The following COL4A2 variants were observed in gnomAD, a reference collection of about 807,000 sequenced individuals.
The protein encoded by COL4A2 is collagen alpha-2(IV) chain.
In COL4A2, 99 loss-of-function variants were observed where a neutral mutation model predicts 200.2. That is an observed-to-expected ratio of 0.49 (90% CI 0.42 to 0.58). The LOEUF (loss-of-function observed/expected upper bound fraction) is 0.58. Ranked by LOEUF, COL4A2 falls within the 20% of genes least tolerant of loss-of-function variation. The pLI is 0.00. For missense variants in COL4A2, 1,950 were observed against 2,314.1 expected (o/e 0.84, Z 3.23); for synonymous variants, 897 against 900.6 (o/e 1.00, Z 0.07).
chr13:110,349,577 A>C (rs1436688135), intron 3 of COL4A2, among the ~76,000 whole-genome samples: 1 of 152,186 alleles, frequency 6.6e-6, no homozygotes, highest in Non-Finnish European at 1.5e-5. Flanking sequence ...GACTCCAAGC[A>C]AGAAATTCTG....
At chr13:110,360,629 C>T (rs1000796921) in intron 4 of COL4A2, among the ~76,000 whole-genome samples, 5 of 152,192 alleles carry the variant, frequency 3.3e-5, no homozygotes, top group Non-Finnish European at 5.9e-5. Context: ...AATGAAAAAT[C>T]GACACCTTCT....
At chr13:110,403,092 G>C (rs1449803563) in intron 4 of COL4A2, among the ~76,000 whole-genome samples, 1 of 96,724 alleles carries the variant, frequency 1.0e-5, no homozygotes, top group Non-Finnish European at 2.6e-5. Flanking sequence ...TGCCTCCGGA[G>C]GTCCTTCCTC....
Position 110,449,770 on chromosome 13 carries a change from C to A in COL4A2, c.1170C>A (p.Gly390=). 6.5e-7 allele frequency: 1 copy of A among 1,548,690 alleles called. No homozygotes were observed. Among genetic ancestry groups the A allele is most frequent in the Non-Finnish European group, 8.7e-7 (1 of 1,146,670 alleles). Residue 390 remains glycine, a synonymous_variant, in exon 19 of 48, where the codon GGC becomes GGA. Transcript: ENST00000360467. ...PGDPGLPGPP[G]LSIGDGDQRR... ...ACCCGGGCCTCCCAGGTCCCCCTGG[C>A]CTCTCCATCGGAGATGGAGGTAATG...
chr13:110,446,848 C>T lies in COL4A2; in HGVS notation c.1062C>T (p.His354=). ...GPPGLPAYSP[H]PSLAKGARGD... ...CTGGACTACCTGCCTACTCCCCTCA[C>T]CCTTCCCTAGCAAAAGGTGTGTGAA... is the stretch of plus-strand genomic sequence containing the variant. The change falls in exon 18 of 48, where the codon CAC becomes CAT. Residue 354 remains histidine, a synonymous_variant. Transcript: ENST00000360467. 8 of 1,612,272 alleles carry T rather than the reference C, an allele frequency of 5.0e-6. No individual in the cohort carries two copies. The highest frequency in any genetic ancestry group is 6.8e-6 in the Non-Finnish European group (8 of 1,178,430).
intron 29 of COL4A2, among the ~76,000 whole-genome samples, chr13:110,477,542 C>G (rs1452912900): frequency 1.3e-5 from 2 of 152,246 alleles, no homozygotes; most frequent in East Asian, 3.9e-4. Context: ...AAGAAAACTC[C>G]CCAACTATTC....
chr13:110,399,541 G>A (rs79344506), intron 4 of COL4A2, among the ~76,000 whole-genome samples: 2,254 of 152,276 alleles, frequency 0.015, 34 homozygotes, highest in Middle Eastern at 0.058. Flanking sequence ...CTTTCCCACA[G>A]AGGACAAAAA....
intron 34 of COL4A2, among the ~76,000 whole-genome samples, chr13:110,487,982 C>A (rs527455012): frequency 6.6e-6 from 1 of 152,140 alleles, no homozygotes; most frequent in Non-Finnish European, 1.5e-5. Flanking sequence ...AAAGGTGCAG[C>A]CTGTGGATAC....
chr13:110,506,391 C>T, intron 45 of COL4A2, 24 bp from the exon 46 acceptor site: 2 of 1,592,042 alleles, frequency 1.3e-6, no homozygotes, highest in Non-Finnish European at 1.7e-6. Flanking sequence ...AGGCCGTCCA[C>T]TCTCTCTCTT....
In COL4A2 at chr13:110,493,258, A is replaced by G; in HGVS notation, c.3610A>G (p.Thr1204Ala). Residue 1204 changes from threonine to alanine, a missense_variant, in exon 39 of 48, where the codon ACC (threonine) becomes GCC (alanine). Physicochemically the swap from Thr to Ala is moderately conservative, Grantham distance 58. This residue lies in a region of COL4A2 where 1,385 missense variants were observed against 1,720.5 expected (regional missense o/e 0.80). Transcript: ENST00000360467. ...GIRGLHGLPG[T>A]KGFPGSPGSD... is the part of the protein sequence containing the mutation. ...CCGCGGCTTACACGGCTTGCCAGGC[A>G]CCAAGGGCTTTCCAGGATCCCCAGG... 1.2e-5 allele frequency: 19 copies of G among 1,614,136 alleles called. No homozygotes were observed. Among genetic ancestry groups the G allele is most frequent in the Non-Finnish European group, 1.6e-5 (19 of 1,180,022 alleles).
chr13:110,363,486 A>G (rs752834348), intron 4 of COL4A2, among the ~76,000 whole-genome samples: 2 of 152,194 alleles, frequency 1.3e-5, no homozygotes, highest in Non-Finnish European at 2.9e-5. Flanking sequence ...ATAGCTGCCA[A>G]GAGAAGAGGG....
Position 110,495,414 on chromosome 13 carries a change from C to A in COL4A2, c.3707C>A (p.Thr1236Asn). 2 of 1,614,064 alleles carry A rather than the reference C, an allele frequency of 1.2e-6. No homozygotes were observed. The highest frequency in any genetic ancestry group is 1.7e-6 in the Non-Finnish European group (2 of 1,179,994). ...AGAGGTGACCCAGGAGAGGCCAACA[C>A]CCTTCCAGGCCCTGTGGGAGTCCCA... ...GERGDPGEAN[T>N]LPGPVGVPGQ... The change falls in exon 40 of 48, where the codon ACC becomes AAC. Residue 1236 changes from threonine (T) to asparagine (N), a missense_variant. Around this residue, in one of 2 missense-constraint regions of COL4A2, gnomAD observed 1,385 missense variants for 1,720.5 expected, o/e 0.80. Transcript: ENST00000360467.
chr13:110,380,718 CACCCACGTGCTCTATCTCAT>C (rs2139410394), intron 4 of COL4A2, among the ~76,000 whole-genome samples: 1 of 151,706 alleles, frequency 6.6e-6, no homozygotes, highest in African/African-American at 2.4e-5. Context: ...CTCTATCTCA[CACCCACGTGCTCTATCTCAT>C]ACCCACGTGC....
chr13:110,356,107 A>G (rs1432228422), intron 3 of COL4A2, among the ~76,000 whole-genome samples: 1 of 152,162 alleles, frequency 6.6e-6, no homozygotes, highest in African/African-American at 2.4e-5. Context: ...CCAATCTCCA[A>G]GTCCATCTTT....
chr13:110,506,179 T>A (rs1233940902), intron 45 of COL4A2, among the ~76,000 whole-genome samples: 1 of 151,268 alleles, frequency 6.6e-6, no homozygotes, highest in African/African-American at 2.4e-5. Context: ...CCGTCCACTC[T>A]CTCTCTCTCT....
At position 110,450,290 on chromosome 13, in the gene COL4A2, G is replaced by T; in HGVS notation, c.1190-15G>T. ...TGGGAGACTCACGCTGCAGGTGAAT[G>T]CTGTTTGGTTTCAGATCAGAGGAGA... On this transcript the variant is annotated splice_polypyrimidine_tract_variant and intron_variant, in intron 19 of 47. Transcript: ENST00000360467. 1 of 1,611,452 alleles carries T rather than the reference G, an allele frequency of 6.2e-7. No homozygotes were observed.
chr13:110,462,656 C>T (rs567388740), intron 24 of COL4A2, among the ~76,000 whole-genome samples: 12 of 152,208 alleles, frequency 7.9e-5, no homozygotes, highest in South Asian at 6.2e-4. Flanking sequence ...AACCCTCCCC[C>T]GCCAAAAAAA....
rs368206940 is a variant in COL4A2 at position 110,508,893 on chromosome 13, A to G, written c.4881+672A>G. 5.8e-4 allele frequency among the ~76,000 whole-genome samples: 88 copies of G among 152,252 alleles called. 1 individual carries two copies. In the South Asian group the frequency reaches 0.013, roughly 23 times the overall value. ...CATAGTGTCTCTTGCAATATTGCCT[A>G]TTAAAGCAGAGGCTCCTCAACTTGG... is the stretch of plus-strand genomic sequence containing the variant. On this transcript the variant is annotated intron_variant, in intron 47 of 47. Coordinates refer to ENST00000360467, the MANE Select transcript of COL4A2 (RefSeq NM_001846.4). The surrounding 1 kb of genome is among the most constrained non-coding windows in gnomAD (Gnocchi z 6.1).
rs576687610 is a variant in COL4A2 at position 110,358,786 on chromosome 13, T to A, written c.180+1234T>A. Among the ~76,000 whole-genome samples the A allele has an allele frequency of 1.9e-4, 29 of 152,344 alleles. No individual in the cohort carries two copies. In the South Asian group the frequency reaches 5.4e-3, roughly 28 times the overall value. The stretch of plus-strand genomic sequence containing the variant: ...AGTCATTGCATACTTTGCTAAGAAA[T>A]TTAATCAATTGTATTCTGTTCCACT... On this transcript the variant is annotated intron_variant, in intron 4 of 47. Transcript: ENST00000360467.
intron 3 of COL4A2, among the ~76,000 whole-genome samples, chr13:110,347,134 C>T (rs1876740259): frequency 6.6e-6 from 1 of 152,204 alleles, no homozygotes; most frequent in Admixed American, 6.5e-5. Flanking sequence ...ATGCCAAGCC[C>T]CCTTTCCTCA....
Sources: gnomAD v4.1 joint callset for allele counts (sites outside exome capture counted in the v4.1 genomes callset) on GRCh38, gnomAD v4.1.1 for gene constraint, gnomAD v4.1.1 regional missense constraint, Gnocchi (gnomAD v3.1) non-coding constraint, MANE v1.5 for transcripts, NCBI Gene and HGNC (gene_info 2026-07-23, HGNC 2026-07-21) for gene names.